The following ZNF532 variants were observed in gnomAD, a reference collection of about 807,000 sequenced individuals.
ZNF532 encodes zinc finger protein 532.
Under a neutral mutation model 89.3 loss-of-function variants are expected in ZNF532, and 22 were observed. The ratio of observed to expected loss-of-function variants is 0.25; its 90% CI spans 0.18 to 0.35. The LOEUF (loss-of-function observed/expected upper bound fraction) is 0.35. Among genes scored for constraint, ZNF532 ranks in the 10% least tolerant of loss-of-function variants. The pLI is 1.00. For synonymous variants in ZNF532, 606 were observed against 649.6 expected, an observed-to-expected ratio of 0.93 and a Z score of 1.02; for missense variants, 1,132 against 1,643.4, an observed-to-expected ratio of 0.69 and a Z score of 5.38.
chr18:58,964,536 T>TGC (rs2065713620), intron 7 of ZNF532, among the ~76,000 whole-genome samples: 1 of 17,748 alleles, frequency 5.6e-5, no homozygotes, highest in African/African-American at 7.9e-4. Flanking sequence ...ATATTTTGTT[T>TGC]GTGTGTGTGT....
chr18:58,980,172 C>T (rs60892969), intron 8 of ZNF532: 5,595 of 152,184 alleles, frequency 0.037, 107 homozygotes, highest in East Asian at 0.059. Context: ...TTATGATAAC[C>T]GGGTAGGAAT....
intron 2 of ZNF532, among the ~76,000 whole-genome samples, chr18:58,881,132 C>T (rs1361211091): frequency 1.3e-5 from 2 of 150,234 alleles, no homozygotes; most frequent in African/African-American, 2.5e-5. Flanking sequence ...GACAGAGTCT[C>T]GCTCTGTCGC....
intron 6 of ZNF532, among the ~76,000 whole-genome samples, chr18:58,952,697 C>T (rs1037911609): frequency 2.6e-5 from 4 of 152,236 alleles, no homozygotes; most frequent in Non-Finnish European, 4.4e-5. Flanking sequence ...TGAGCCACTG[C>T]ATACACCCCA....
intron 2 of ZNF532, among the ~76,000 whole-genome samples, chr18:58,882,546 A>G (rs868856913): frequency 2.6e-5 from 4 of 152,320 alleles, no homozygotes; most frequent in South Asian, 2.1e-4. Context: ...GGCTCAAGCA[A>G]TCCTCCTGTC....
At chr18:58,960,127 C>G (rs1277846483) in intron 7 of ZNF532, among the ~76,000 whole-genome samples, 1 of 152,170 alleles carries the variant, frequency 6.6e-6, no homozygotes, top group Non-Finnish European at 1.5e-5. Context: ...TTAGTAGAGA[C>G]AGGGTTTCAC....
intron 3 of ZNF532, among the ~76,000 whole-genome samples, chr18:58,930,982 C>T (rs1056022234): frequency 6.6e-6 from 1 of 152,046 alleles, no homozygotes; most frequent in Non-Finnish European, 1.5e-5. Flanking sequence ...AATGTGGGTA[C>T]TTTTCGGCTT....
At chr18:58,968,878 T>C (rs1245790769) in intron 7 of ZNF532, among the ~76,000 whole-genome samples, 1 of 152,202 alleles carries the variant, frequency 6.6e-6, no homozygotes, top group African/African-American at 2.4e-5. Flanking sequence ...CTCAATCCAA[T>C]TGGCAGACCA....
At chr18:58,876,135 C>T (rs111734523) in intron 2 of ZNF532, among the ~76,000 whole-genome samples, 14,244 of 152,000 alleles carry the variant, frequency 0.094, 671 homozygotes, top group Middle Eastern at 0.16. Flanking sequence ...GGGGTTTCAC[C>T]GTGTTAGCCA....
chr18:58,910,073 C>CA (rs11370022), intron 2 of ZNF532, among the ~76,000 whole-genome samples: 47,365 of 151,252 alleles, frequency 0.31, 7,559 homozygotes, highest in Middle Eastern at 0.51. Context: ...CCTGTCTCTA[C>CA]AAAAAAAAGA....
intron 2 of ZNF532, among the ~76,000 whole-genome samples, chr18:58,867,561 G>T (rs2144441965): frequency 6.6e-6 from 1 of 152,136 alleles, no homozygotes; most frequent in East Asian, 1.9e-4. Context: ...ATGAGCTAGG[G>T]CATGTTCCTT....
intron 4 of ZNF532, among the ~76,000 whole-genome samples, chr18:58,936,851 C>T (rs2062519777): frequency 6.6e-6 from 1 of 152,138 alleles, no homozygotes; most frequent in African/African-American, 2.4e-5. Flanking sequence ...ATGTTTTTTG[C>T]TCCCTTTGGC....
At chr18:58,938,738 A>G (rs1189850284) in intron 4 of ZNF532, among the ~76,000 whole-genome samples, 1 of 152,138 alleles carries the variant, frequency 6.6e-6, no homozygotes, top group African/African-American at 2.4e-5. Flanking sequence ...CTTGGCATGC[A>G]GGTTTAGACA....
At chr18:58,941,544 C>T (rs1398039356) in intron 5 of ZNF532, among the ~76,000 whole-genome samples, 1 of 147,132 alleles carries the variant, frequency 6.8e-6, no homozygotes, top group Non-Finnish European at 1.5e-5. Context: ...CTCACTGCAG[C>T]CTTGACCTCC....
rs538792438 is a variant in ZNF532 at position 58,983,822 on chromosome 18, G to T, written c.3412-150G>T. The T allele has an allele frequency of 4.5e-6, 4 of 898,314 alleles. No homozygotes were observed. The African/African-American group carries it at 5.0e-5, about 11-fold the overall frequency. 55.6% of individuals were successfully genotyped at this position (898,314 alleles called of 1,614,324 possible). A position where few individuals can be genotyped will look rare whatever the true frequency, so the allele number is the denominator to read the frequency against. On this transcript the variant is annotated intron_variant, in intron 9 of 9. Transcript: ENST00000591808. ...GTGGAAGAAAGGCATGGGCCTCCGG[G>T]TGGGGTGGCAGACACAGCTTTAAAG...
rs551034488 is a variant in ZNF532, at chr18:58,947,962, G to A, written c.2706-105G>A. 10 of 1,051,598 alleles carry A rather than the reference G, an allele frequency of 9.5e-6. No individual in the cohort carries two copies. The African/African-American group carries it at 1.3e-4, about 14-fold the overall frequency. 65.1% of individuals were successfully genotyped at this position (1,051,598 alleles called of 1,614,324 possible). On this transcript the variant is annotated intron_variant, in intron 5 of 9. Transcript: ENST00000591808. ...GTTGTTCTATTTATTGTGTTTGTGT[G>A]TTCTCAATGTGCCTCTGCCTCCCAA...
At chr18:58,953,434 G>A in intron 6 of ZNF532, 84 bp from the exon 7 acceptor site, 1 of 1,205,664 alleles carries the variant, frequency 8.3e-7, no homozygotes. Context: ...GTTGAAATGT[G>A]TACCACATGT....
Position 58,939,957 on chromosome 18 carries a change from G to A in ZNF532, c.2705+336G>A, listed in dbSNP as rs551931235. The A allele has an allele frequency of 4.9e-5, 8 of 164,356 alleles. No individual in the cohort carries two copies. The South Asian group carries it at 6.5e-4, about 13-fold the overall frequency. 10.2% of individuals were successfully genotyped at this position (164,356 alleles called of 1,614,324 possible). ...CGCCCAGGCTAGAGTGCAGTGGTGC[G>A]ATCTTGGCTCACTGCAACCTCCGTC... On this transcript the variant is annotated intron_variant, in intron 5 of 9. Coordinates refer to ENST00000591808, the MANE Select transcript of ZNF532 (RefSeq NM_001375912.1).
Position 58,909,242 on chromosome 18 carries a change from C to T in ZNF532, c.-17-9029C>T, listed in dbSNP as rs778075219. 4.5e-4 allele frequency among the ~76,000 whole-genome samples: 69 copies of T among 152,144 alleles called. 1 individual carries two copies. Among genetic ancestry groups the T allele is most frequent in the East Asian group, 3.8e-4 (2 of 5,200 alleles). ...TGTTGGGATTATAGGCGTGAGCCAC[C>T]GCGCCCAGCCTGCCTGAAGATTTTT... On this transcript the variant is annotated intron_variant, in intron 2 of 9. Coordinates refer to ENST00000591808, the MANE Select transcript of ZNF532 (RefSeq NM_001375912.1).
intron 3 of ZNF532, among the ~76,000 whole-genome samples, chr18:58,931,447 T>C (rs1184054076): frequency 6.6e-6 from 1 of 152,214 alleles, no homozygotes; most frequent in Non-Finnish European, 1.5e-5. Context: ...TAATGGAAGA[T>C]ACTCCTTTGT....
Sources: allele counts gnomAD v4.1 joint callset (sites outside exome capture counted in the v4.1 genomes callset), GRCh38; gene constraint gnomAD v4.1.1; transcripts MANE v1.5; gene names NCBI Gene and HGNC (gene_info 2026-07-23, HGNC 2026-07-21).